The following LRRC28 variants were observed in gnomAD, a reference collection of about 807,000 sequenced individuals.
LRRC28 encodes the protein leucine-rich repeat-containing protein 28.
A neutral mutation model predicts 45.7 loss-of-function variants in LRRC28; 39 were observed. That is an observed-to-expected ratio of 0.85 (90% CI 0.66 to 1.12). LRRC28 has a LOEUF of 1.12. LRRC28 is among the 50% of genes most tolerant of loss of function. The probability of loss-of-function intolerance (pLI) is 0.00; values close to 1 mark genes in which losing one functional copy is unlikely to be tolerated. For missense variants in LRRC28, 435 were observed against 438.5 expected, an observed-to-expected ratio of 0.99 and a Z score of 0.07; for synonymous variants, 206 against 178.8, an observed-to-expected ratio of 1.15 and a Z score of -1.22.
At chr15:99,299,577 A>C (rs1043006079) in intron 5 of LRRC28, among the ~76,000 whole-genome samples, 1 of 152,180 alleles carries the variant, frequency 6.6e-6, no homozygotes, top group Non-Finnish European at 1.5e-5. Context: ...AACTTGTTAA[A>C]GGTTTCAATT....
intron 9 of LRRC28, 114 bp from the exon 10 acceptor site, chr15:99,385,916 T>G: frequency 1.1e-6 from 1 of 888,496 alleles, no homozygotes; most frequent in Non-Finnish European, 1.9e-6. Flanking sequence ...ATTATGCAGT[T>G]TGTTGACCAT....
chr15:99,348,596 T>C (rs28871693), intron 6 of LRRC28, among the ~76,000 whole-genome samples: 50,634 of 152,000 alleles, frequency 0.33, 10,142 homozygotes, highest in African/African-American at 0.57. Context: ...CTCTCTGTTC[T>C]GTTCCATTGG....
chr15:99,263,832 A>G (rs546960051), intron 2 of LRRC28, among the ~76,000 whole-genome samples: 5 of 152,232 alleles, frequency 3.3e-5, no homozygotes, highest in Admixed American at 3.3e-4. Context: ...TCTTCAAGAC[A>G]CTGACAATAG....
intron 5 of LRRC28, chr15:99,333,635 G>A (rs1956226896): frequency 9.6e-6 from 4 of 417,598 alleles, no homozygotes; most frequent in Non-Finnish European, 1.7e-5. Context: ...AGATGCAGAA[G>A]CCATAGTGAC....
chr15:99,296,799 A>G (rs1188663093), intron 5 of LRRC28, among the ~76,000 whole-genome samples: 1 of 152,174 alleles, frequency 6.6e-6, no homozygotes, highest in Non-Finnish European at 1.5e-5. Flanking sequence ...GGGAGCTTAT[A>G]ATATTTTATT....
chr15:99,262,830 T>A (rs911144186), intron 2 of LRRC28, among the ~76,000 whole-genome samples: 2 of 151,512 alleles, frequency 1.3e-5, no homozygotes, highest in African/African-American at 4.8e-5. Context: ...TACAACTTTT[T>A]ATAGAGATGG....
At chr15:99,332,958 G>A (rs771845145) in intron 5 of LRRC28, among the ~76,000 whole-genome samples, 84 of 152,236 alleles carry the variant, frequency 5.5e-4, no homozygotes, top group Middle Eastern at 3.4e-3. Flanking sequence ...AATGACTCGG[G>A]AACAGGGACA....
chr15:99,329,474 G>C (rs532772682), intron 5 of LRRC28, among the ~76,000 whole-genome samples: 2 of 152,084 alleles, frequency 1.3e-5, no homozygotes, highest in South Asian at 2.1e-4. Context: ...TTCCATCTTC[G>C]CATAATTTCC....
chr15:99,332,853 A>G (rs1363374239), intron 5 of LRRC28, among the ~76,000 whole-genome samples: 3 of 152,242 alleles, frequency 2.0e-5, no homozygotes, highest in African/African-American at 7.2e-5. Flanking sequence ...ACAGAGGGGT[A>G]CTGTCAAGTG....
intron 3 of LRRC28, among the ~76,000 whole-genome samples, chr15:99,286,466 C>G (rs1282412959): frequency 6.6e-6 from 1 of 152,136 alleles, no homozygotes; most frequent in African/African-American, 2.4e-5. Context: ...TAAATAAAAC[C>G]ATAGGTTTTT....
In LRRC28 at chr15:99,287,775, GA is replaced by G. The variant is rs779836139; in HGVS notation, c.248-38del. On this transcript the variant is annotated intron_variant, in intron 4 of 9. Coordinates refer to ENST00000301981, the MANE Select transcript of LRRC28 (RefSeq NM_144598.5). ...GCTTTAAAGATTTGATGTAATACTT[GA>G]GTCAAATTCATTTTGCCTTCTCCTT... is the stretch of plus-strand genomic sequence containing the variant. 4.5e-6 allele frequency: 7 copies of G among 1,559,454 alleles called. No individual in the cohort carries two copies. In the Admixed American group the frequency reaches 5.8e-5, roughly 13 times the overall value.
intron 7 of LRRC28, 57 bp from the exon 8 acceptor site, chr15:99,361,279 G>T: frequency 1.3e-6 from 2 of 1,509,912 alleles, no homozygotes; most frequent in East Asian, 2.3e-5. Flanking sequence ...CATTTTATTG[G>T]CACCCATATT....
intron 2 of LRRC28, among the ~76,000 whole-genome samples, chr15:99,257,402 C>G (rs930199228): frequency 1.3e-5 from 2 of 152,144 alleles, no homozygotes; most frequent in African/African-American, 2.4e-5. Flanking sequence ...CCTAGATTTT[C>G]CCATGTTTGT....
rs939896339 is a variant in LRRC28 at position 99,386,174 on chromosome 15, C to CA, written c.*73dup. On this transcript the variant is annotated 3_prime_UTR_variant, in exon 10 of 10. Transcript: ENST00000301981. The stretch of plus-strand genomic sequence containing the variant: ...ATCCAGCCAGTCCAGCACACTCTTC[C>CA]ATCCTGTCCTGTCCAATGCGGGGGC... 42 of 1,211,786 alleles carry CA rather than the reference C, an allele frequency of 3.5e-5. No individual in the cohort carries two copies. The African/African-American group carries it at 5.2e-4, about 15-fold the overall frequency. 75.1% of individuals were successfully genotyped at this position (1,211,786 alleles called of 1,614,324 possible).
intron 5 of LRRC28, among the ~76,000 whole-genome samples, chr15:99,310,637 A>G (rs1955370414): frequency 1.3e-5 from 2 of 152,250 alleles, no homozygotes; most frequent in Admixed American, 6.5e-5. Flanking sequence ...ACAATAAACC[A>G]AATCGAGGGT....
At chr15:99,281,031 T>G (rs933652381) in intron 3 of LRRC28, among the ~76,000 whole-genome samples, 1 of 118,436 alleles carries the variant, frequency 8.4e-6, no homozygotes, top group African/African-American at 3.4e-5. Context: ...GGTTACTGTA[T>G]TTTTTTTTTT....
In LRRC28 at chr15:99,335,092, C is replaced by A. The variant is rs76194215; in HGVS notation, c.592+963C>A. Among the ~76,000 whole-genome samples, 1,037 of 151,906 alleles carry A rather than the reference C, an allele frequency of 6.8e-3. 7 individuals are homozygous for A. Among genetic ancestry groups the A allele is most frequent in the Non-Finnish European group, 0.011 (717 of 67,952 alleles). Reference sequence around the variant, plus strand: ...TAAAATTAACAAAATGAAATGAGGCCGTTTCAGAAGCAGGCTACATTTCTA... The same window carrying A: ...TAAAATTAACAAAATGAAATGAGGCAGTTTCAGAAGCAGGCTACATTTCTA... On this transcript the variant is annotated intron_variant, in intron 6 of 9. Coordinates refer to ENST00000301981, the MANE Select transcript of LRRC28 (RefSeq NM_144598.5).
At chr15:99,375,595 G>A (rs911502727) in intron 9 of LRRC28, among the ~76,000 whole-genome samples, 3 of 152,216 alleles carry the variant, frequency 2.0e-5, no homozygotes, top group African/African-American at 7.2e-5. Flanking sequence ...GAAACTATCT[G>A]GGCAGGGAAG....
At chr15:99,261,003 A>AC (rs34148049) in intron 2 of LRRC28, among the ~76,000 whole-genome samples, 1 of 151,214 alleles carries the variant, frequency 6.6e-6, no homozygotes, top group Non-Finnish European at 1.5e-5. Flanking sequence ...TTCCTCTCCT[A>AC]CCCCTCAGCA....
Sources: allele counts gnomAD v4.1 joint callset (sites outside exome capture counted in the v4.1 genomes callset), GRCh38; gene constraint gnomAD v4.1.1; transcripts MANE v1.5; gene names NCBI Gene and HGNC (gene_info 2026-07-23, HGNC 2026-07-21).